TOM1L2: variants seen among roughly 807,000 people sequenced by gnomAD.
The protein encoded by TOM1L2 is TOM1-like protein 2.
In TOM1L2, 31 loss-of-function variants were observed where a neutral mutation model predicts 67.9. That is an observed-to-expected ratio of 0.46 (90% CI 0.34 to 0.62). TOM1L2 has a LOEUF of 0.62. Among genes scored for constraint, TOM1L2 ranks in the 20% least tolerant of loss-of-function variants. The pLI, the probability that TOM1L2 is intolerant of heterozygous loss-of-function variation, is 0.01. For synonymous variants in TOM1L2, 256 were observed against 254.0 expected, an observed-to-expected ratio of 1.01 and a Z score of -0.07; for missense variants, 606 against 663.5, an observed-to-expected ratio of 0.91 and a Z score of 0.95.
intron 1 of TOM1L2, among the ~76,000 whole-genome samples, chr17:17,915,104 G>A (rs997338454): frequency 2.0e-5 from 3 of 152,190 alleles, no homozygotes; most frequent in African/African-American, 7.2e-5. Flanking sequence ...GATACTTCCA[G>A]CCTGTACAGA....
chr17:17,907,868 T>C (rs1437699896), intron 1 of TOM1L2, among the ~76,000 whole-genome samples: 2 of 152,248 alleles, frequency 1.3e-5, no homozygotes, highest in Non-Finnish European at 2.9e-5. Flanking sequence ...CAGGCTCCAC[T>C]ACTTACTAGT....
chr17:17,950,887 G>T (rs997660118), intron 1 of TOM1L2, among the ~76,000 whole-genome samples: 1 of 152,198 alleles, frequency 6.6e-6, no homozygotes, highest in Non-Finnish European at 1.5e-5. Context: ...CTAGGCCAGA[G>T]CCTTGGTGCA....
At chr17:17,935,696 A>G (rs1447461977) in intron 1 of TOM1L2, among the ~76,000 whole-genome samples, 1 of 152,152 alleles carries the variant, frequency 6.6e-6, no homozygotes, top group Non-Finnish European at 1.5e-5. Flanking sequence ...TTATTATACC[A>G]TCTCTAAAGT....
intron 4 of TOM1L2, among the ~76,000 whole-genome samples, chr17:17,885,469 T>C (rs1029268058): frequency 6.6e-6 from 1 of 152,216 alleles, no homozygotes; most frequent in Non-Finnish European, 1.5e-5. Context: ...TCTTTCATGA[T>C]GTCCGCTGCC....
At chr17:17,869,606 T>C in intron 7 of TOM1L2, 133 bp from the exon 8 acceptor site, 2 of 1,412,556 alleles carry the variant, frequency 1.4e-6, no homozygotes, top group East Asian at 5.0e-5. Flanking sequence ...ACCAGACATG[T>C]GCCGAATTCA....
chr17:17,927,069 G>A lies in TOM1L2; in HGVS notation c.53-19538C>T, dbSNP rs77599969. Among the ~76,000 whole-genome samples, 1,131 of 152,210 alleles carry A rather than the reference G, an allele frequency of 7.4e-3. 13 individuals carry two copies. Among genetic ancestry groups the A allele is most frequent in the African/African-American group, 0.026 (1,086 of 41,512 alleles). On this transcript the variant is annotated intron_variant, in intron 1 of 14. Coordinates refer to ENST00000379504, the MANE Select transcript of TOM1L2 (RefSeq NM_001082968.2). ...TAATACGAAACAAAGCTTGCCAAGG[G>A]AAACATGCAAATAAGATCAAAATCC...
intron 12 of TOM1L2, among the ~76,000 whole-genome samples, chr17:17,856,268 G>C (rs536238823): frequency 4.6e-5 from 7 of 152,392 alleles, no homozygotes; most frequent in East Asian, 1.9e-4. Context: ...CCAGAGGCCA[G>C]CCTGTCCCTG....
intron 1 of TOM1L2, among the ~76,000 whole-genome samples, chr17:17,908,307 A>C (rs2039187424): frequency 6.6e-6 from 1 of 152,262 alleles, no homozygotes; most frequent in Non-Finnish European, 1.5e-5. Flanking sequence ...AATTTACTCC[A>C]AATGGATCAA....
chr17:17,942,293 T>C (rs1361677333), intron 1 of TOM1L2, among the ~76,000 whole-genome samples: 3 of 152,236 alleles, frequency 2.0e-5, no homozygotes, highest in East Asian at 3.9e-4. Context: ...CATTAATAAA[T>C]AGCAGTAATA....
intron 14 of TOM1L2, among the ~76,000 whole-genome samples, 154 bp from the exon 15 acceptor site, chr17:17,847,937 TG>T (rs57878351): frequency 2.7e-5 from 4 of 150,088 alleles, no homozygotes; most frequent in African/African-American, 7.5e-5. Flanking sequence ...AGCTGCAGTG[TG>T]GGGGGAGGCT....
chr17:17,937,316 T>C (rs935482481), intron 1 of TOM1L2, among the ~76,000 whole-genome samples: 5 of 152,238 alleles, frequency 3.3e-5, no homozygotes, highest in African/African-American at 1.2e-4. Context: ...CATTTTTATT[T>C]TTATCTTTGA....
intron 4 of TOM1L2, among the ~76,000 whole-genome samples, chr17:17,886,165 C>CA (rs1156925646): frequency 6.6e-6 from 1 of 151,044 alleles, no homozygotes; most frequent in African/African-American, 2.5e-5. Flanking sequence ...CTGAGGCAGC[C>CA]ACAGAAACTC....
intron 1 of TOM1L2, among the ~76,000 whole-genome samples, chr17:17,934,092 A>C (rs542014501): frequency 1.3e-5 from 2 of 152,288 alleles, no homozygotes; most frequent in African/African-American, 4.8e-5. Flanking sequence ...CAAGACACAA[A>C]CTAGTATATT....
rs148502512 is a variant in TOM1L2, at chr17:17,928,156, C to CAA, written c.53-20627_53-20626dup. On this transcript the variant is annotated intron_variant, in intron 1 of 14. Coordinates refer to ENST00000379504, the MANE Select transcript of TOM1L2 (RefSeq NM_001082968.2). ...TGTATATGTCTGAAATTTTCTGTAA[C>CAA]AACAAAAAAAATCAGTAGGAGACAG... Among the ~76,000 whole-genome samples, 61 of 150,138 alleles carry CAA rather than the reference C, an allele frequency of 4.1e-4. No individual in the cohort carries two copies. In the South Asian group the frequency reaches 5.9e-3, roughly 14 times the overall value.
intron 1 of TOM1L2, among the ~76,000 whole-genome samples, chr17:17,927,493 G>C (rs991126037): frequency 3.9e-5 from 6 of 152,148 alleles, no homozygotes; most frequent in African/African-American, 1.4e-4. Flanking sequence ...GATACATCAA[G>C]GGAAACATTC....
At position 17,962,292 on chromosome 17, in the gene TOM1L2, G is replaced by A. The variant is rs530710477; in HGVS notation, c.52+9970C>T. Among the ~76,000 whole-genome samples the A allele has an allele frequency of 5.9e-5, 9 of 151,476 alleles. No individual in the cohort carries two copies. The South Asian group carries it at 1.5e-3, about 25-fold the overall frequency. On this transcript the variant is annotated intron_variant, in intron 1 of 14. Transcript: ENST00000379504. ...GTTTCACTTTTGCAAGACTAGAAGAGTTGTAGAGATGGCCAGTGGTGATTG... is the reference window on the plus strand; with the variant it reads ...GTTTCACTTTTGCAAGACTAGAAGAATTGTAGAGATGGCCAGTGGTGATTG...
intron 4 of TOM1L2, among the ~76,000 whole-genome samples, chr17:17,887,879 T>C (rs1400907967): frequency 6.6e-6 from 1 of 152,224 alleles, no homozygotes; most frequent in Non-Finnish European, 1.5e-5. Context: ...TCACAGTTAC[T>C]AAGCATCCTT....
chr17:17,949,866 A>AATTTTATTTATTTATTTTTTT (rs1722965730), intron 1 of TOM1L2, among the ~76,000 whole-genome samples: 2 of 151,752 alleles, frequency 1.3e-5, no homozygotes, highest in Admixed American at 1.3e-4. Flanking sequence ...TTTATTTTTT[A>AATTTTATTTATTTATTTTTTT]AATTTTATTT....
At chr17:17,912,229 G>A (rs1455279107) in intron 1 of TOM1L2, among the ~76,000 whole-genome samples, 8 of 151,146 alleles carry the variant, frequency 5.3e-5, no homozygotes, top group South Asian at 2.1e-4. Context: ...CAGTAGGGGC[G>A]GCTGGGCAGA....
Sources: allele counts gnomAD v4.1 joint callset (sites outside exome capture counted in the v4.1 genomes callset), GRCh38; gene constraint gnomAD v4.1.1; transcripts MANE v1.5; gene names NCBI Gene and HGNC (gene_info 2026-07-23, HGNC 2026-07-21).